SLIT3: variants seen among roughly 807,000 people sequenced by gnomAD.
The protein encoded by SLIT3 is slit guidance ligand 3, also known as slit homolog 3 protein.
SLIT3 carries 68 observed loss-of-function variants against 184.0 expected under a neutral mutation model. The observed-to-expected ratio is 0.37, with a 90% confidence interval of 0.30 to 0.45. The LOEUF (loss-of-function observed/expected upper bound fraction) is 0.45, where lower values mean the gene tolerates loss of function less well. SLIT3 is among the 20% of genes least tolerant of loss of function. SLIT3 has a pLI of 1.00. For synonymous variants in SLIT3, 831 were observed against 828.6 expected, an observed-to-expected ratio of 1.00 and a Z score of -0.05; for missense variants, 1,707 against 2,026.0, an observed-to-expected ratio of 0.84 and a Z score of 3.02.
intron 4 of SLIT3, among the ~76,000 whole-genome samples, chr5:169,159,152 A>G (rs1762397775): frequency 6.6e-6 from 1 of 152,166 alleles, no homozygotes. Context: ...TGGGAGGCCG[A>G]GGTGGGCAGA....
chr5:168,912,204 G>A (rs1761273509), intron 4 of SLIT3, among the ~76,000 whole-genome samples: 1 of 151,846 alleles, frequency 6.6e-6, no homozygotes, highest in African/African-American at 2.4e-5. Context: ...TTACTTTATT[G>A]TAAAAATACA....
intron 5 of SLIT3, among the ~76,000 whole-genome samples, chr5:168,858,878 C>T (rs1454164321): frequency 2.6e-5 from 4 of 152,216 alleles, no homozygotes; most frequent in Non-Finnish European, 5.9e-5. Context: ...CCTAAGGCCC[C>T]TGGGCGGGCT....
At chr5:169,049,039 G>C (rs777455169) in intron 4 of SLIT3, among the ~76,000 whole-genome samples, 8 of 152,078 alleles carry the variant, frequency 5.3e-5, no homozygotes, top group Non-Finnish European at 7.3e-5. Context: ...GAGAATAGTC[G>C]GGCAGTTTCT....
intron 27 of SLIT3, among the ~76,000 whole-genome samples, chr5:168,698,226 C>A (rs539009518): frequency 6.6e-6 from 1 of 152,036 alleles, no homozygotes; most frequent in Non-Finnish European, 1.5e-5. Flanking sequence ...TGTGTTCCCC[C>A]CAAAAAAGAT....
chr5:168,711,617 A>C (rs534484904), intron 24 of SLIT3, among the ~76,000 whole-genome samples: 1 of 152,322 alleles, frequency 6.6e-6, no homozygotes, highest in African/African-American at 2.4e-5. Flanking sequence ...GTGTATGCAC[A>C]CATTATGAAA....
At chr5:169,197,269 C>A (rs187158493) in intron 3 of SLIT3, among the ~76,000 whole-genome samples, 1 of 152,256 alleles carries the variant, frequency 6.6e-6, no homozygotes, top group Admixed American at 6.5e-5. Context: ...GCCTTGGGAC[C>A]TTTCCACTTA....
intron 4 of SLIT3, among the ~76,000 whole-genome samples, chr5:169,006,768 CTTTACCAG>C (rs1437743778): frequency 6.6e-6 from 1 of 152,174 alleles, no homozygotes; most frequent in African/African-American, 2.4e-5. Context: ...TGAGAGACTG[CTTTACCAG>C]GAAGCCTGAG....
At chr5:168,845,286 G>A (rs1020395736) in intron 5 of SLIT3, among the ~76,000 whole-genome samples, 2 of 152,016 alleles carry the variant, frequency 1.3e-5, no homozygotes, top group Admixed American at 6.6e-5. Context: ...GCATTGTTAC[G>A]GGGCCCATCT....
chr5:168,917,449 T>C (rs1180500047), intron 4 of SLIT3, among the ~76,000 whole-genome samples: 1 of 152,206 alleles, frequency 6.6e-6, no homozygotes, highest in Non-Finnish European at 1.5e-5. Flanking sequence ...GACATAAATC[T>C]CAGTCAAATC....
At chr5:168,927,258 C>T (rs1216908739) in intron 4 of SLIT3, among the ~76,000 whole-genome samples, 1 of 152,142 alleles carries the variant, frequency 6.6e-6, no homozygotes, top group Non-Finnish European at 1.5e-5. Context: ...CAAGTGAAAT[C>T]AGCCAGTCAT....
At chr5:169,049,695 G>A (rs1393283733) in intron 4 of SLIT3, among the ~76,000 whole-genome samples, 8 of 152,152 alleles carry the variant, frequency 5.3e-5, no homozygotes, top group Non-Finnish European at 4.4e-5. Flanking sequence ...CTATTGTAGC[G>A]GTAAGGACAA....
intron 4 of SLIT3, among the ~76,000 whole-genome samples, chr5:169,168,921 G>T (rs555913854): frequency 6.6e-6 from 1 of 152,308 alleles, no homozygotes; most frequent in Middle Eastern, 3.4e-3. Context: ...ACAGACTGGG[G>T]ACCACTCAGC....
At chr5:168,694,574 A>T (rs535019865) in intron 28 of SLIT3, among the ~76,000 whole-genome samples, 115 of 152,234 alleles carry the variant, frequency 7.6e-4, no homozygotes, top group African/African-American at 2.6e-3. Context: ...TCAGTCAGTC[A>T]GTCTTTCTCT....
In SLIT3 at chr5:168,860,489, A is replaced by G. The variant is rs139621717; in HGVS notation, c.486-15834T>C. On this transcript the variant is annotated intron_variant, in intron 5 of 35. Transcript: ENST00000519560. ...AGGGGTATATTAATTATGTTTTTAA[A>G]TTTTCTCTACTTTAAAATAGTTTGA... 3.4e-4 allele frequency among the ~76,000 whole-genome samples: 52 copies of G among 152,000 alleles called. 3 individuals carry two copies. The East Asian group carries it at 0.01, about 29-fold the overall frequency.
chr5:168,745,838 A>G (rs1443021003), intron 20 of SLIT3, among the ~76,000 whole-genome samples: 1 of 152,226 alleles, frequency 6.6e-6, no homozygotes, highest in Non-Finnish European at 1.5e-5. Flanking sequence ...TCTTATTTTA[A>G]GAAATTGCCA....
intron 24 of SLIT3, among the ~76,000 whole-genome samples, 199 bp from the exon 25 acceptor site, chr5:168,711,257 C>T (rs1478240261): frequency 6.6e-6 from 1 of 152,158 alleles, no homozygotes; most frequent in East Asian, 1.9e-4. Context: ...GTTTCAACTC[C>T]CATCCCAGCC....
rs1343545817 is a variant in SLIT3 at position 168,666,690 on chromosome 5, CT to C, written c.4337-2del. ...ACTACTTGTCCCAGGCACGGATTCT[CT>C]GCAGAGGGCATAGAAGTCAGGGCAT... On this transcript the variant is annotated splice_acceptor_variant, in intron 35 of 35. Transcript: ENST00000519560. LOFTEE classifies it high-confidence loss of function. 6.2e-7 allele frequency: 1 copy of C among 1,614,126 alleles called. No homozygotes were observed. The highest frequency in any genetic ancestry group is 8.5e-7 in the Non-Finnish European group (1 of 1,180,040).
At chr5:169,056,869 G>A (rs978235200) in intron 4 of SLIT3, among the ~76,000 whole-genome samples, 2 of 152,156 alleles carry the variant, frequency 1.3e-5, no homozygotes, top group South Asian at 2.1e-4. Flanking sequence ...GAGTCCAAAC[G>A]CTCACATGTT....
At position 168,748,329 on chromosome 5, in the gene SLIT3, C is replaced by T; in HGVS notation, c.2243G>A (p.Arg748Lys). The T allele has an allele frequency of 1.3e-6, 2 of 1,491,200 alleles. No individual in the cohort carries two copies. The highest frequency in any genetic ancestry group is 1.8e-6 in the Non-Finnish European group (2 of 1,126,422). The allele number at this position is 1,491,200 out of a possible 1,614,324, so 92.4% of individuals were successfully genotyped here. ...CTCGGTCACATCCTTGGGCATGCCT[C>T]TGGGGAGGGCGCGGAGCCCCTTGTT... ...CSNKGLRALP[R>K]GMPKDVTELY... is the part of the protein sequence containing the mutation. The change falls in exon 20 of 36, where the codon AGA (arginine) becomes AAA (lysine). Residue 748 changes from arginine (R) to lysine (K), a missense_variant. Physicochemically the swap from Arg to Lys is conservative, Grantham distance 26. Transcript: ENST00000519560.
Sources: allele counts gnomAD v4.1 joint callset (sites outside exome capture counted in the v4.1 genomes callset), GRCh38; gene constraint gnomAD v4.1.1; transcripts MANE v1.5; gene names NCBI Gene and HGNC (gene_info 2026-07-23, HGNC 2026-07-21).